The following APLF variants were observed in gnomAD, a reference collection of about 807,000 sequenced individuals.
The protein encoded by APLF is aprataxin and PNK-like factor.
In APLF, 61 loss-of-function variants were observed where a neutral mutation model predicts 55.6. The ratio of observed to expected loss-of-function variants is 1.10; its 90% CI spans 0.89 to 1.36. The LOEUF (loss-of-function observed/expected upper bound fraction) is 1.36, where lower values mean the gene tolerates loss of function less well. Among genes scored for constraint, APLF ranks in the 40% most tolerant of loss-of-function variants. The pLI is 0.00. For synonymous variants in APLF, 207 were observed against 214.8 expected, an observed-to-expected ratio of 0.96 and a Z score of 0.32; for missense variants, 611 against 602.5, an observed-to-expected ratio of 1.01 and a Z score of -0.15.
chr2:68,508,088 GA>G (rs1292101415), intron 3 of APLF, among the ~76,000 whole-genome samples: 1 of 151,534 alleles, frequency 6.6e-6, no homozygotes, highest in Non-Finnish European at 1.5e-5. Context: ...TTATATTAAA[GA>G]TATGAAAATA....
intron 6 of APLF, chr2:68,528,241 C>G: frequency 1.6e-6 from 2 of 1,236,068 alleles, no homozygotes; most frequent in Non-Finnish European, 2.3e-6. Context: ...CATGCCTGCC[C>G]TGCTGTCTCT....
In APLF at chr2:68,485,789, T is replaced by C. The variant is rs956282780; in HGVS notation, c.97-4401T>C. Among the ~76,000 whole-genome samples, 4 of 151,176 alleles carry C rather than the reference T, an allele frequency of 2.6e-5. No homozygotes were observed. The East Asian group carries it at 7.8e-4, about 29-fold the overall frequency. On this transcript the variant is annotated intron_variant, in intron 1 of 9. Coordinates refer to ENST00000303795, the MANE Select transcript of APLF (RefSeq NM_173545.3). ...ATCACAAAATAATCCATGATTCATA[T>C]GGAATCTTTTTTATTATCTCTTTTT...
intron 1 of APLF, among the ~76,000 whole-genome samples, chr2:68,469,804 A>T (rs1466181999): frequency 6.6e-6 from 1 of 152,224 alleles, no homozygotes; most frequent in East Asian, 1.9e-4. Context: ...CAGTAAGTTC[A>T]TTGTAAATTG....
intron 2 of APLF, among the ~76,000 whole-genome samples, chr2:68,497,607 C>T (rs549398245): frequency 2.0e-5 from 3 of 151,638 alleles, no homozygotes; most frequent in African/African-American, 7.3e-5. Flanking sequence ...ATAAATTACC[C>T]AGTCTTAGGT....
At chr2:68,509,614 TTGG>T (rs1264259283) in intron 3 of APLF, among the ~76,000 whole-genome samples, 2 of 152,122 alleles carry the variant, frequency 1.3e-5, no homozygotes, top group East Asian at 3.9e-4. Flanking sequence ...TTTTACACTG[TTGG>T]TGGGACTGTA....
At position 68,526,213 on chromosome 2, in the gene APLF, G is replaced by T. The variant is rs1161697717; in HGVS notation, c.775G>T (p.Asp259Tyr). The T allele has an allele frequency of 1.2e-5, 20 of 1,609,426 alleles. No homozygotes were observed. Among genetic ancestry groups the T allele is most frequent in the Non-Finnish European group, 1.6e-5 (19 of 1,178,790 alleles). Residue 259 changes from aspartate (D) to tyrosine (Y), a missense_variant, in exon 6 of 10, where the codon GAT (aspartate) becomes TAT (tyrosine). Physicochemically the swap from Asp to Tyr is radical, Grantham distance 160. Transcript: ENST00000303795. ...CACAGGAGAAGAGTGCAAAAATACT[G>T]ATCAGGAAGAGTCTACCATTTCATC... ...QDTGEECKNT[D>Y]QEESTISSKE...
At chr2:68,482,171 A>G (rs763204422) in intron 1 of APLF, among the ~76,000 whole-genome samples, 11 of 147,206 alleles carry the variant, frequency 7.5e-5, no homozygotes, top group Non-Finnish European at 1.2e-4. Context: ...CATGTTTCTT[A>G]TGTCCCTATA....
chr2:68,563,417 G>A (rs561334008), intron 8 of APLF: 2 of 940,932 alleles, frequency 2.1e-6, no homozygotes, highest in South Asian at 4.9e-5. Context: ...TGTGAGGTTG[G>A]TGGATGCAGA....
chr2:68,524,542 T>C (rs187056951), intron 5 of APLF, among the ~76,000 whole-genome samples: 185 of 152,358 alleles, frequency 1.2e-3, no homozygotes, highest in Non-Finnish European at 2.2e-3. Flanking sequence ...AGTTGAGTAG[T>C]AGTGACAGAC....
rs916740930 is a variant in APLF at position 68,538,123 on chromosome 2, C to T, written c.1056C>T (p.Ser352=). ...ATTCTGAGTCCAGCTCTAATCCCTCCAATCCTGAAACTTTGCATGCAAAGG... is the reference window on the plus strand; with the variant it reads ...ATTCTGAGTCCAGCTCTAATCCCTCTAATCCTGAAACTTTGCATGCAAAGG... ...GSHSESSSNP[S]NPETLHAKAT... is the part of the protein sequence containing the mutation. The change falls in exon 7 of 10, where the codon TCC becomes TCT. Residue 352 remains serine, a synonymous_variant. Transcript: ENST00000303795. 1.9e-6 allele frequency: 3 copies of T among 1,614,096 alleles called. No homozygotes were observed. Among genetic ancestry groups the T allele is most frequent in the South Asian group, 1.1e-5 (1 of 91,084 alleles).
chr2:68,519,270 T>C (rs1459980826), intron 5 of APLF, among the ~76,000 whole-genome samples: 5 of 119,582 alleles, frequency 4.2e-5, no homozygotes, highest in African/African-American at 1.6e-4. Context: ...TAATATAATA[T>C]ATTATATGTA....
At position 68,529,375 on chromosome 2, in the gene APLF, G is replaced by C. The variant is rs910480372; in HGVS notation, c.804+3133G>C. ...CGGGGTGAGCCCGGCCAGCTGGGAA[G>C]GCCTCACGGACAAGACGAGCAGGTT... On this transcript the variant is annotated intron_variant, in intron 6 of 9. Transcript: ENST00000303795. This position sits in a 1 kb window ranked among gnomAD's most constrained non-coding sequence, Gnocchi z 4.4. The C allele has an allele frequency of 7.7e-7, 1 of 1,298,286 alleles. No individual in the cohort carries two copies. 80.4% of individuals were successfully genotyped at this position (1,298,286 alleles called of 1,614,324 possible).
chr2:68,510,169 TAACA>T (rs1446378389), intron 3 of APLF, among the ~76,000 whole-genome samples: 8 of 151,770 alleles, frequency 5.3e-5, no homozygotes, highest in African/African-American at 1.5e-4. Context: ...TATACATATG[TAACA>T]AACCTGCATG....
chr2:68,515,400 T>C lies in APLF; in HGVS notation c.622+1720T>C, dbSNP rs1423714217. ...GGGAGGGGCAGACACTTTCCCTCAG[T>C]AGAATAATTTCTCTGATAAAAGAAA... On this transcript the variant is annotated intron_variant, in intron 5 of 9. Transcript: ENST00000303795. Among the ~76,000 whole-genome samples, 6 of 151,762 alleles carry C rather than the reference T, an allele frequency of 4.0e-5. No homozygotes were observed. In the Admixed American group the frequency reaches 4.0e-4, roughly 10 times the overall value.
chr2:68,537,569 C>T (rs555566823), intron 6 of APLF, among the ~76,000 whole-genome samples: 2 of 152,158 alleles, frequency 1.3e-5, no homozygotes, highest in South Asian at 2.1e-4. Context: ...GGGGTTTCAC[C>T]TTGTTGGCCA....
In APLF at chr2:68,550,300, C is replaced by T. The variant is rs551165797; in HGVS notation, c.1286+4988C>T. On this transcript the variant is annotated intron_variant, in intron 8 of 9. Coordinates refer to ENST00000303795, the MANE Select transcript of APLF (RefSeq NM_173545.3). ...AGGCTGGGGTGCAGTGGCGCAATCT[C>T]GGCTCTCTGCAATCTCCGCCTTCCA... Among the ~76,000 whole-genome samples the T allele has an allele frequency of 3.0e-4, 46 of 152,156 alleles. 1 individual carries two copies. In the South Asian group the frequency reaches 6.4e-3, roughly 21 times the overall value.
chr2:68,506,696 T>C (rs1445550879), intron 3 of APLF, among the ~76,000 whole-genome samples: 1 of 151,874 alleles, frequency 6.6e-6, no homozygotes, highest in Non-Finnish European at 1.5e-5. Context: ...GTTTCCAGAG[T>C]TGATGCTCTT....
At chr2:68,490,595 C>G (rs556601283) in intron 2 of APLF, among the ~76,000 whole-genome samples, 2 of 152,172 alleles carry the variant, frequency 1.3e-5, no homozygotes, top group East Asian at 3.9e-4. Context: ...GGGGTAGTGA[C>G]CAAAGTAACT....
At chr2:68,528,403 C>CT (rs1413528033) in intron 6 of APLF, 1 of 1,534,416 alleles carries the variant, frequency 6.5e-7, no homozygotes, top group African/African-American at 1.4e-5. Context: ...GACATGGAAG[C>CT]TTAGCCGGTG....
Sources: allele counts gnomAD v4.1 joint callset (sites outside exome capture counted in the v4.1 genomes callset), GRCh38; gene constraint gnomAD v4.1.1; non-coding constraint Gnocchi (gnomAD v3.1); transcripts MANE v1.5; gene names NCBI Gene and HGNC (gene_info 2026-07-23, HGNC 2026-07-21).